Variants in COL5A2 observed in about 807,000 individuals in gnomAD.
The protein encoded by COL5A2 is collagen alpha-2(V) chain.
In COL5A2, 23 loss-of-function variants were observed where a neutral mutation model predicts 208.2. The ratio of observed to expected loss-of-function variants is 0.11; its 90% CI spans 0.08 to 0.16. The LOEUF (loss-of-function observed/expected upper bound fraction) is 0.16, where lower values mean the gene tolerates loss of function less well. COL5A2 is among the 10% of genes least tolerant of loss of function. The pLI, the probability that COL5A2 is intolerant of heterozygous loss-of-function variation, is 1.00. For missense variants in COL5A2, 1,590 were observed against 1,956.4 expected, an observed-to-expected ratio of 0.81 and a Z score of 3.53; for synonymous variants, 625 against 628.5, an observed-to-expected ratio of 0.99 and a Z score of 0.08.
intron 22 of COL5A2, 87 bp downstream of exon 22, chr2:189,066,642 T>C: frequency 7.4e-7 from 1 of 1,349,120 alleles, no homozygotes; most frequent in East Asian, 2.3e-5. Flanking sequence ...ATAATTCTCA[T>C]TATTATTTTA....
At chr2:189,054,375 G>T (rs181555994) in intron 35 of COL5A2, among the ~76,000 whole-genome samples, 163 bp from the exon 36 acceptor site, 270 of 152,234 alleles carry the variant, frequency 1.8e-3, no homozygotes, top group African/African-American at 6.2e-3. Flanking sequence ...ATTTTCAAGA[G>T]TTTTCTGTCT....
At chr2:189,235,472 A>G in the COL5A2 span, among the ~76,000 whole-genome samples, 7 of 151,900 alleles carry the variant, frequency 4.6e-5, no homozygotes, top group Non-Finnish European at 1.0e-4. Flanking sequence ...ACATGTAATC[A>G]ACACTCAGAT....
At chr2:189,069,435 TATA>T (rs1686222994) in intron 18 of COL5A2, among the ~76,000 whole-genome samples, 1 of 152,190 alleles carries the variant, frequency 6.6e-6, no homozygotes, top group African/African-American at 2.4e-5. Flanking sequence ...CCCATTTCTG[TATA>T]AACAGTGTAT....
chr2:189,203,832 G>C (rs535105764), intron 1 of COL5A2, among the ~76,000 whole-genome samples: 1 of 151,640 alleles, frequency 6.6e-6, no homozygotes, highest in Admixed American at 6.6e-5. Context: ...AAATTATTGA[G>C]AATAAAATTG....
the COL5A2 span, among the ~76,000 whole-genome samples, chr2:189,238,973 T>C: frequency 6.6e-6 from 1 of 152,268 alleles, no homozygotes; most frequent in East Asian, 1.9e-4. Flanking sequence ...TTATACTCTG[T>C]TTAAAATACA....
At chr2:189,084,259 C>T (rs551360168) in intron 11 of COL5A2, among the ~76,000 whole-genome samples, 2 of 152,214 alleles carry the variant, frequency 1.3e-5, no homozygotes, top group East Asian at 3.9e-4. Flanking sequence ...CATTAATTTA[C>T]CCAGAAGAAT....
chr2:189,088,803 A>G, intron 7 of COL5A2, 31 bp from the exon 8 acceptor site: 1 of 1,532,264 alleles, frequency 6.5e-7, no homozygotes, highest in Non-Finnish European at 9.0e-7. Flanking sequence ...CATTATTTCT[A>G]CAGTAAAAGA....
chr2:189,053,659 G>C (rs1463149981), intron 37 of COL5A2, among the ~76,000 whole-genome samples, 182 bp from the exon 38 acceptor site: 1 of 152,078 alleles, frequency 6.6e-6, no homozygotes, highest in East Asian at 1.9e-4. Context: ...AATTCCCAAG[G>C]TCAGAAGTCT....
chr2:189,288,147 C>T, the COL5A2 span, among the ~76,000 whole-genome samples: 1 of 150,390 alleles, frequency 6.6e-6, no homozygotes, highest in African/African-American at 2.5e-5. Flanking sequence ...GAGTCAAAGC[C>T]AGAAAAAAAA....
chr2:189,123,166 G>A (rs1046402463), intron 1 of COL5A2, among the ~76,000 whole-genome samples: 3 of 152,014 alleles, frequency 2.0e-5, no homozygotes, highest in Admixed American at 6.6e-5. Flanking sequence ...GTTTCACCAC[G>A]TTGGTCAGGC....
chr2:189,384,411 G>A, the COL5A2 span, among the ~76,000 whole-genome samples: 5 of 152,038 alleles, frequency 3.3e-5, no homozygotes, highest in African/African-American at 4.8e-5. Flanking sequence ...ATCCTCAGCA[G>A]AATCTGTCAT....
At chr2:189,418,611 T>G in the COL5A2 span, among the ~76,000 whole-genome samples, 1 of 152,208 alleles carries the variant, frequency 6.6e-6, no homozygotes, top group East Asian at 1.9e-4. Flanking sequence ...TGGAAAATAG[T>G]AGCTATGCAG....
the COL5A2 span, among the ~76,000 whole-genome samples, chr2:189,344,382 C>T: frequency 6.6e-6 from 1 of 152,132 alleles, no homozygotes; most frequent in Non-Finnish European, 1.5e-5. Flanking sequence ...AGACCTGAAC[C>T]TGCTTAGAAT....
intron 2 of COL5A2, 56 bp from the exon 3 acceptor site, chr2:189,104,333 C>A: frequency 8.6e-7 from 1 of 1,158,390 alleles, no homozygotes; most frequent in Non-Finnish European, 1.3e-6. Context: ...TATTGAGAAT[C>A]TGCTAAATAT....
At chr2:189,418,338 A>T in the COL5A2 span, among the ~76,000 whole-genome samples, 3 of 152,066 alleles carry the variant, frequency 2.0e-5, no homozygotes, top group East Asian at 1.9e-4. Context: ...AGTATCTATG[A>T]CTCCTCCCTG....
intron 1 of COL5A2, among the ~76,000 whole-genome samples, chr2:189,198,549 C>G (rs925618858): frequency 6.6e-6 from 1 of 151,968 alleles, no homozygotes; most frequent in African/African-American, 2.4e-5. Flanking sequence ...ATGGGATGGA[C>G]AAGAAAAAGT....
chr2:189,334,513 C>T, the COL5A2 span, among the ~76,000 whole-genome samples: 55 of 151,678 alleles, frequency 3.6e-4, no homozygotes, highest in African/African-American at 1.2e-3. Flanking sequence ...AAATTACATG[C>T]GAAAGACTAA....
intron 31 of COL5A2, among the ~76,000 whole-genome samples, chr2:189,059,152 A>G (rs1424124859): frequency 6.6e-5 from 10 of 152,194 alleles, no homozygotes. Context: ...GCAAAGTACT[A>G]TTTCACAAAG....
At chr2:189,428,509 T>C in the COL5A2 span, among the ~76,000 whole-genome samples, 1 of 152,064 alleles carries the variant, frequency 6.6e-6, no homozygotes, top group South Asian at 2.1e-4. Context: ...TCCCAGCTAT[T>C]TGGAAGGCTG....
Sources: gnomAD v4.1 joint callset for allele counts (sites outside exome capture counted in the v4.1 genomes callset) on GRCh38, gnomAD v4.1.1 for gene constraint, MANE v1.5 for transcripts, NCBI Gene and HGNC (gene_info 2026-07-23, HGNC 2026-07-21) for gene names.